The following SPMIP3 variants were observed in gnomAD, a reference collection of about 807,000 sequenced individuals.
SPMIP3 encodes the protein sperm microtubule inner protein 3, also known as protein SPMIP3.
chr1:244,388,822 TA>T, the SPMIP3 span: 1 of 648,296 alleles, frequency 1.5e-6, no homozygotes, highest in Non-Finnish European at 2.7e-6. Context: ...TCCCACATTT[TA>T]AATGCATTCA....
At chr1:244,382,085 T>C in the SPMIP3 span, among the ~76,000 whole-genome samples, 1 of 152,210 alleles carries the variant, frequency 6.6e-6, no homozygotes, top group African/African-American at 2.4e-5. Context: ...CCCAGTATGA[T>C]TTAGTTGTTT....
At chr1:244,360,100 G>A in the SPMIP3 span, among the ~76,000 whole-genome samples, 8 of 151,208 alleles carry the variant, frequency 5.3e-5, no homozygotes, top group Non-Finnish European at 8.8e-5. Flanking sequence ...AGAGCGAGAC[G>A]CCATCTAAAA....
At chr1:244,378,762 A>T in the SPMIP3 span, 1 of 1,076,410 alleles carries the variant, frequency 9.3e-7, no homozygotes, top group African/African-American at 1.6e-5. Context: ...GGAGGCATGG[A>T]TATGTGTGTG....
the SPMIP3 span, among the ~76,000 whole-genome samples, chr1:244,352,934 A>G: frequency 2.0e-5 from 3 of 152,244 alleles, no homozygotes; most frequent in Non-Finnish European, 4.4e-5. Flanking sequence ...AATTCTTGTC[A>G]TAGTTTTAAC....
At chr1:244,375,066 C>T in the SPMIP3 span, 1 of 179,432 alleles carries the variant, frequency 5.6e-6, no homozygotes, top group Non-Finnish European at 1.2e-5. Flanking sequence ...CGTTTTGAAC[C>T]TAATACCTGA....
At chr1:244,376,393 G>C in the SPMIP3 span, 2 of 152,114 alleles carry the variant, frequency 1.3e-5, no homozygotes, top group African/African-American at 2.4e-5. Flanking sequence ...CTACTCACTC[G>C]TTTAGATTTA....
the SPMIP3 span, among the ~76,000 whole-genome samples, chr1:244,364,494 A>G: frequency 6.6e-6 from 1 of 152,056 alleles, no homozygotes; most frequent in East Asian, 1.9e-4. Context: ...TATTTGCCTT[A>G]TGCTTGCCAT....
the SPMIP3 span, among the ~76,000 whole-genome samples, chr1:244,373,683 G>T: frequency 6.6e-6 from 1 of 151,274 alleles, no homozygotes; most frequent in Non-Finnish European, 1.5e-5. Flanking sequence ...AAAAATATTA[G>T]GTTGGTGCAA....
the SPMIP3 span, chr1:244,352,847 A>G: frequency 2.6e-5 from 4 of 152,248 alleles, no homozygotes; most frequent in Non-Finnish European, 5.9e-5. Flanking sequence ...CTCACAACAT[A>G]AAGAAACTTC....
At chr1:244,380,764 T>C in the SPMIP3 span, among the ~76,000 whole-genome samples, 1 of 151,992 alleles carries the variant, frequency 6.6e-6, no homozygotes, top group Non-Finnish European at 1.5e-5. Context: ...CCAAAGGAGA[T>C]GGCCTGGGCT....
At chr1:244,362,301 G>C in the SPMIP3 span, among the ~76,000 whole-genome samples, 1 of 152,152 alleles carries the variant, frequency 6.6e-6, no homozygotes, top group Non-Finnish European at 1.5e-5. Flanking sequence ...GATGGTCTGG[G>C]TGCCTTGTGA....
chr1:244,367,498 G>A, the SPMIP3 span, among the ~76,000 whole-genome samples: 1 of 152,128 alleles, frequency 6.6e-6, no homozygotes, highest in African/African-American at 2.4e-5. Flanking sequence ...GTCAGGAGAG[G>A]CACACAGAGC....
At chr1:244,375,298 C>A in the SPMIP3 span, 13 of 1,218,740 alleles carry the variant, frequency 1.1e-5, no homozygotes, top group East Asian at 3.1e-4. Flanking sequence ...TGTATTATGC[C>A]GCAGCTGGCA....
the SPMIP3 span, among the ~76,000 whole-genome samples, chr1:244,379,235 T>G: frequency 6.6e-6 from 1 of 151,812 alleles, no homozygotes; most frequent in Admixed American, 6.6e-5. Context: ...GCCTTTTTTT[T>G]TTTTTTTTTA....
At chr1:244,388,970 C>T in the SPMIP3 span, 1 of 1,613,208 alleles carries the variant, frequency 6.2e-7, no homozygotes, top group Non-Finnish European at 8.5e-7. Flanking sequence ...AGAAATTAGC[C>T]ACAGTTTCGC....
At chr1:244,372,686 G>A in the SPMIP3 span, among the ~76,000 whole-genome samples, 78 of 152,162 alleles carry the variant, frequency 5.1e-4, no homozygotes, top group East Asian at 4.5e-3. Context: ...CTTGCGATCC[G>A]CCCGCCTTGG....
chr1:244,371,045 A>G, the SPMIP3 span, among the ~76,000 whole-genome samples: 4 of 152,180 alleles, frequency 2.6e-5, no homozygotes, highest in Admixed American at 6.5e-5. Flanking sequence ...CTGTGGGGCC[A>G]GGCTCTGGAG....
the SPMIP3 span, chr1:244,364,614 G>A: frequency 8.1e-7 from 1 of 1,231,144 alleles, no homozygotes; most frequent in Admixed American, 1.7e-5. Flanking sequence ...TGGACTTTGT[G>A]GTACTAGATA....
At chr1:244,363,266 G>C in the SPMIP3 span, among the ~76,000 whole-genome samples, 10 of 152,000 alleles carry the variant, frequency 6.6e-5, no homozygotes, top group Non-Finnish European at 1.5e-4. Context: ...AAATTAGCTG[G>C]GCATGGTGGC....
Sources: gnomAD v4.1 joint callset for allele counts (sites outside exome capture counted in the v4.1 genomes callset) on GRCh38, gnomAD v4.1.1 for gene constraint, MANE v1.5 for transcripts, NCBI Gene and HGNC (gene_info 2026-07-23, HGNC 2026-07-21) for gene names.